ABR: variants seen among roughly 807,000 people sequenced by gnomAD.
The protein encoded by ABR is active breakpoint cluster region-related protein.
A neutral mutation model predicts 107.2 loss-of-function variants in ABR; 35 were observed. That is an observed-to-expected ratio of 0.33 (90% CI 0.25 to 0.43). The LOEUF (loss-of-function observed/expected upper bound fraction) is 0.43. ABR is among the 20% of genes least tolerant of loss of function. The pLI, the probability that ABR is intolerant of heterozygous loss-of-function variation, is 1.00. For synonymous variants in ABR, 498 were observed against 462.0 expected (o/e 1.08, Z -1.00); for missense variants, 815 against 1,115.2 (o/e 0.73, Z 3.83).
chr17:1,049,595 C>A (rs368469660), intron 16 of ABR, among the ~76,000 whole-genome samples: 5 of 152,172 alleles, frequency 3.3e-5, no homozygotes, highest in East Asian at 1.9e-4. Flanking sequence ...CCCCTCCCCC[C>A]AAGCCAACCA....
At chr17:1,218,640 G>A in intron 1 of ABR, among the ~76,000 whole-genome samples, 1 of 152,210 alleles carries the variant, frequency 6.6e-6, no homozygotes, top group East Asian at 1.9e-4. Flanking sequence ...AAGTATGTGT[G>A]TAACCTACAC....
At chr17:1,163,071 C>CA (rs888550147) in intron 1 of ABR, among the ~76,000 whole-genome samples, 3 of 151,760 alleles carry the variant, frequency 2.0e-5, no homozygotes, top group African/African-American at 4.8e-5. Context: ...GACTCAATCT[C>CA]AAAAAAAAGA....
rs963114667 is a variant in ABR, at chr17:1,070,368, T to C, written c.895-278A>G. 2.0e-5 allele frequency among the ~76,000 whole-genome samples: 3 copies of C among 152,140 alleles called. No individual in the cohort carries two copies. The highest frequency in any genetic ancestry group is 4.8e-5 in the African/African-American group (2 of 41,418). ...AGTGCGGACAGTGAGGTCTGCCTCA[T>C]AAGGTGACTCATCGAGATGGTGCAT... is the stretch of plus-strand genomic sequence containing the variant. On this transcript the variant is annotated intron_variant, in intron 8 of 22. Transcript: ENST00000302538. This position sits in a 1 kb window ranked among gnomAD's most constrained non-coding sequence, Gnocchi z 4.2.
intron 1 of ABR, among the ~76,000 whole-genome samples, chr17:1,136,902 AAC>A (rs1286499638): frequency 6.6e-6 from 1 of 152,100 alleles, no homozygotes; most frequent in Non-Finnish European, 1.5e-5. Flanking sequence ...ATTTCCTTAA[AAC>A]ACTTTTCCTG....
At chr17:1,146,644 CTGCCACA>C (rs1442920577) in intron 1 of ABR, among the ~76,000 whole-genome samples, 1 of 148,184 alleles carries the variant, frequency 6.7e-6, no homozygotes, top group African/African-American at 2.5e-5. Context: ...CATGCCACCA[CTGCCACA>C]TGCCACCACT....
intron 2 of ABR, among the ~76,000 whole-genome samples, chr17:1,110,762 G>A (rs1053472042): frequency 2.0e-5 from 3 of 152,222 alleles, no homozygotes; most frequent in African/African-American, 4.8e-5. Flanking sequence ...GTGAGCCCTT[G>A]AGGGGCCCCA....
rs559213905 is a variant in ABR, at chr17:1,084,957, C to T, written c.532-1330G>A. On this transcript the variant is annotated intron_variant, in intron 4 of 22. Transcript: ENST00000302538. The surrounding 1 kb of genome is among the most constrained non-coding windows in gnomAD (Gnocchi z 4.2). ...AGCTGGCGTTACAGGCGCCCGCCACCACGCCTGGCTAATCTTGTATTTTTA... is the reference window on the plus strand; with the variant it reads ...AGCTGGCGTTACAGGCGCCCGCCACTACGCCTGGCTAATCTTGTATTTTTA... 3.9e-5 allele frequency among the ~76,000 whole-genome samples: 6 copies of T among 152,266 alleles called. No individual in the cohort carries two copies. The South Asian group carries it at 1.2e-3, about 32-fold the overall frequency.
At chr17:1,014,675 A>G (rs926270132) in intron 16 of ABR, among the ~76,000 whole-genome samples, 3 of 137,916 alleles carry the variant, frequency 2.2e-5, no homozygotes, top group Non-Finnish European at 4.8e-5. Flanking sequence ...CGTCTCTACT[A>G]AAAAAAAAAA....
rs117392104 is a variant in ABR at position 1,076,501 on chromosome 17, G to A, written c.701-2824C>T. 3.0e-3 allele frequency among the ~76,000 whole-genome samples: 450 copies of A among 152,212 alleles called. 3 individuals are homozygous for A. Among genetic ancestry groups the A allele is most frequent in the Non-Finnish European group, 5.0e-3 (343 of 68,026 alleles). On this transcript the variant is annotated intron_variant, in intron 6 of 22. Transcript: ENST00000302538. ...ACCTGCCAGGGTGGGCTCCGGAGTGGCGGCTCCACAGAAAGCTGACACTGC... is the reference window on the plus strand; with the variant it reads ...ACCTGCCAGGGTGGGCTCCGGAGTGACGGCTCCACAGAAAGCTGACACTGC...
rs184231503 is a variant in ABR, at chr17:1,084,016, G to C, written c.532-389C>G. ...GGAATTAGCCGGAGCAGGGAGAGAG[G>C]GGGGTGTGTGTGCTGGGGGGAGCTG... On this transcript the variant is annotated intron_variant, in intron 4 of 22. Coordinates refer to ENST00000302538, the MANE Select transcript of ABR (RefSeq NM_021962.5). The surrounding 1 kb of genome is among the most constrained non-coding windows in gnomAD (Gnocchi z 4.2). 4.3e-4 allele frequency among the ~76,000 whole-genome samples: 65 copies of C among 152,270 alleles called. 1 individual carries two copies. The highest frequency in any genetic ancestry group is 1.4e-3 in the African/African-American group (59 of 41,552).
chr17:1,041,140 G>A (rs1170898525), intron 16 of ABR, among the ~76,000 whole-genome samples: 7 of 151,850 alleles, frequency 4.6e-5, no homozygotes, highest in Non-Finnish European at 1.0e-4. Flanking sequence ...GGCTGGTCTC[G>A]AACTCCTGAC....
intron 2 of ABR, among the ~76,000 whole-genome samples, chr17:1,107,510 C>T (rs1486231125): frequency 1.3e-5 from 2 of 152,246 alleles, no homozygotes; most frequent in African/African-American, 2.4e-5. Flanking sequence ...AGGCATACGC[C>T]GGGGTCCAGC....
At chr17:1,100,594 G>A (rs765258304) in intron 3 of ABR, 43 bp downstream of exon 3, 27 of 1,574,186 alleles carry the variant, frequency 1.7e-5, no homozygotes, top group East Asian at 1.1e-4. Context: ...CACCCAACAC[G>A]GGCGGGGGGA....
chr17:1,012,867 G>C (rs2070744278), intron 17 of ABR, 70 bp from the exon 18 acceptor site: 10 of 1,354,934 alleles, frequency 7.4e-6, no homozygotes, highest in Non-Finnish European at 1.0e-5. Flanking sequence ...CCAAAACACA[G>C]GGGTCCCCTC....
At chr17:1,161,305 G>T (rs2041282690) in intron 1 of ABR, among the ~76,000 whole-genome samples, 1 of 151,428 alleles carries the variant, frequency 6.6e-6, no homozygotes, top group Non-Finnish European at 1.5e-5. Flanking sequence ...TGCAGAATGT[G>T]ATCACAGCTC....
chr17:1,111,560 C>G (rs2258352), intron 2 of ABR, among the ~76,000 whole-genome samples: 7,367 of 152,288 alleles, frequency 0.048, 616 homozygotes, highest in African/African-American at 0.17. Flanking sequence ...AAAGGCCCCC[C>G]CAAACGGTTT....
At chr17:1,171,417 A>G (rs576552545) in intron 1 of ABR, among the ~76,000 whole-genome samples, 2 of 152,300 alleles carry the variant, frequency 1.3e-5, no homozygotes, top group African/African-American at 4.8e-5. Context: ...TTCTCTAGGC[A>G]GCACCAGCTC....
At chr17:1,204,270 C>G (rs1409870262) in intron 1 of ABR, among the ~76,000 whole-genome samples, 1 of 152,230 alleles carries the variant, frequency 6.6e-6, no homozygotes, top group African/African-American at 2.4e-5. Context: ...CATGGTGAAA[C>G]CCCGTCTCTA....
intron 1 of ABR, among the ~76,000 whole-genome samples, chr17:1,129,231 G>A (rs2009492): frequency 0.4 from 61,024 of 152,120 alleles, 14,149 homozygotes; most frequent in East Asian, 0.55. Context: ...CCTAATGCAC[G>A]AGGGGCTTAA....
Sources: gnomAD v4.1 joint callset for allele counts (sites outside exome capture counted in the v4.1 genomes callset) on GRCh38, gnomAD v4.1.1 for gene constraint, Gnocchi (gnomAD v3.1) non-coding constraint, MANE v1.5 for transcripts, NCBI Gene and HGNC (gene_info 2026-07-23, HGNC 2026-07-21) for gene names.